TANC2: variants seen among roughly 807,000 people sequenced by gnomAD.
TANC2 encodes tetratricopeptide repeat, ankyrin repeat and coiled-coil containing 2.
Under a neutral mutation model 210.5 loss-of-function variants are expected in TANC2, and 26 were observed. That is an observed-to-expected ratio of 0.12 (90% CI 0.09 to 0.17). The LOEUF (loss-of-function observed/expected upper bound fraction) is 0.17. Ranked by LOEUF, TANC2 falls within the 10% of genes least tolerant of loss-of-function variation. TANC2 has a pLI of 1.00. For synonymous variants in TANC2, 931 were observed against 967.1 expected (o/e 0.96, Z 0.69); for missense variants, 2,129 against 2,608.9 (o/e 0.82, Z 4.01).
At chr17:63,152,310 A>T (rs1028512866) in intron 5 of TANC2, 3 of 152,162 alleles carry the variant, frequency 2.0e-5, no homozygotes, top group Non-Finnish European at 4.4e-5. Context: ...GTGATCTGAA[A>T]TGTCAGTATA....
At chr17:63,370,352 G>A (rs1437493699) in intron 14 of TANC2, among the ~76,000 whole-genome samples, 1 of 151,754 alleles carries the variant, frequency 6.6e-6, no homozygotes, top group African/African-American at 2.4e-5. Context: ...CTAATTTTTT[G>A]TATTTTTAGT....
chr17:63,218,626 T>C (rs2042086091), intron 7 of TANC2, among the ~76,000 whole-genome samples: 1 of 152,176 alleles, frequency 6.6e-6, no homozygotes, highest in Non-Finnish European at 1.5e-5. Flanking sequence ...CTGGACACGG[T>C]GGCTCACCCC....
chr17:63,234,570 G>A (rs957842301), intron 7 of TANC2, among the ~76,000 whole-genome samples: 10 of 152,106 alleles, frequency 6.6e-5, no homozygotes, highest in African/African-American at 2.4e-4. Context: ...CAGGGCTTTA[G>A]CCTCTGTGCT....
In TANC2 at chr17:63,412,817, A is replaced by C; in HGVS notation, c.3928+108A>C. The C allele has an allele frequency of 7.6e-7, 1 of 1,324,382 alleles. No homozygotes were observed. The highest frequency in any genetic ancestry group is 1.0e-6 in the Non-Finnish European group (1 of 987,478). 82.0% of individuals were successfully genotyped at this position (1,324,382 alleles called of 1,614,324 possible). On this transcript the variant is annotated intron_variant, in intron 24 of 27. Transcript: ENST00000689528. This position sits in a 1 kb window ranked among gnomAD's most constrained non-coding sequence, Gnocchi z 4.2. Reference sequence around the variant, plus strand: ...AGTTCCCTACACCTCTAATCTTTTAATTTACTTCACCTTAAAAGAAGATTT... The same window carrying C: ...AGTTCCCTACACCTCTAATCTTTTACTTTACTTCACCTTAAAAGAAGATTT...
chr17:63,066,965 G>A (rs2036221559), intron 2 of TANC2, among the ~76,000 whole-genome samples: 1 of 152,140 alleles, frequency 6.6e-6, no homozygotes, highest in African/African-American at 2.4e-5. Context: ...CTTCACAGGT[G>A]TGAATTTGGT....
chr17:63,115,763 A>AT (rs1359343704), intron 4 of TANC2, among the ~76,000 whole-genome samples: 3 of 152,220 alleles, frequency 2.0e-5, no homozygotes, highest in South Asian at 4.1e-4. Flanking sequence ...CTTTGTATTT[A>AT]TTTTTTTCTA....
At chr17:63,216,565 A>G (rs2042032403) in intron 7 of TANC2, among the ~76,000 whole-genome samples, 1 of 152,212 alleles carries the variant, frequency 6.6e-6, no homozygotes, top group African/African-American at 2.4e-5. Context: ...TGCAGCTGGC[A>G]TGCAAAGTGA....
At chr17:63,397,312 C>T (rs571567712) in intron 18 of TANC2, among the ~76,000 whole-genome samples, 1 of 152,174 alleles carries the variant, frequency 6.6e-6, no homozygotes, top group South Asian at 2.1e-4. Context: ...ATGTTGCACA[C>T]AACTTACAAA....
chr17:63,281,592 A>G (rs1359489816), intron 9 of TANC2, among the ~76,000 whole-genome samples: 1 of 152,112 alleles, frequency 6.6e-6, no homozygotes, highest in Non-Finnish European at 1.5e-5. Flanking sequence ...CTTGAGAGGA[A>G]CATAACAGAA....
At chr17:63,002,995 G>T (rs1159213407) in intron 1 of TANC2, among the ~76,000 whole-genome samples, 2 of 152,070 alleles carry the variant, frequency 1.3e-5, no homozygotes, top group Non-Finnish European at 2.9e-5. Flanking sequence ...TAGTAGAGGT[G>T]GAGTCATGCA....
At chr17:63,181,585 G>C (rs530488953) in intron 5 of TANC2, among the ~76,000 whole-genome samples, 157 of 152,320 alleles carry the variant, frequency 1.0e-3, no homozygotes, top group Admixed American at 3.5e-3. Context: ...TCATTGCCCT[G>C]TGGGCCCTAC....
At chr17:63,305,474 A>G (rs1350919685) in intron 9 of TANC2, 5 of 152,194 alleles carry the variant, frequency 3.3e-5, no homozygotes, top group East Asian at 1.9e-4. Flanking sequence ...GTTCTTTTCA[A>G]TGGGAGCCTC....
intron 14 of TANC2, among the ~76,000 whole-genome samples, chr17:63,356,173 A>G (rs1434465101): frequency 6.6e-6 from 1 of 152,038 alleles, no homozygotes; most frequent in East Asian, 1.9e-4. Context: ...ATCTTTCTCA[A>G]CTCAAACCAG....
At position 63,412,676 on chromosome 17, in the gene TANC2, G is replaced by C. The variant is rs1439184110; in HGVS notation, c.3899-4G>C. The C allele has an allele frequency of 6.6e-7, 1 of 1,513,562 alleles. No homozygotes were observed. Among genetic ancestry groups the C allele is most frequent in the Admixed American group, 2.1e-5 (1 of 48,194 alleles). 93.8% of individuals were successfully genotyped at this position (1,513,562 alleles called of 1,614,324 possible). On this transcript the variant is annotated splice_region_variant and splice_polypyrimidine_tract_variant and intron_variant, in intron 23 of 27. Coordinates refer to ENST00000689528, the Ensembl canonical transcript of TANC2. The surrounding 1 kb of genome is among the most constrained non-coding windows in gnomAD (Gnocchi z 4.2). Reference sequence around the variant, plus strand: ...CAACTTTTTGTTTTCTCCTTTCTTTGAAGGTTGTCAGACGTTACCGAGTCG... The same window carrying C: ...CAACTTTTTGTTTTCTCCTTTCTTTCAAGGTTGTCAGACGTTACCGAGTCG...
chr17:63,114,286 C>T (rs183351795), intron 4 of TANC2, among the ~76,000 whole-genome samples: 2 of 152,264 alleles, frequency 1.3e-5, no homozygotes, highest in East Asian at 3.9e-4. Flanking sequence ...AAATCCATTA[C>T]ATATCATTCA....
rs1445881786 is a variant in TANC2, at chr17:63,186,348, C to CTT, written c.434-7642_434-7641insTT. 3.5e-3 allele frequency among the ~76,000 whole-genome samples: 473 copies of CTT among 135,372 alleles called. 3 individuals carry two copies. The highest frequency in any genetic ancestry group is 0.013 in the African/African-American group (414 of 32,128). 88.8% of individuals were successfully genotyped at this position (135,372 alleles called of 152,430 possible). On this transcript the variant is annotated intron_variant, in intron 5 of 27. Coordinates refer to ENST00000689528, the Ensembl canonical transcript of TANC2. ...TTAAGCAGTATGCCCTTCTCTCTCT[C>CTT]TCTTTTTTTTTTTTTTTTTTTGAGA...
intron 10 of TANC2, among the ~76,000 whole-genome samples, chr17:63,316,633 C>T (rs770185371): frequency 6.6e-6 from 1 of 152,072 alleles, no homozygotes; most frequent in Non-Finnish European, 1.5e-5. Flanking sequence ...GTTAACTTTC[C>T]GAATTTGAAA....
chr17:63,407,084 G>A (rs886148727), intron 21 of TANC2, among the ~76,000 whole-genome samples: 1 of 152,208 alleles, frequency 6.6e-6, no homozygotes, highest in African/African-American at 2.4e-5. Flanking sequence ...TTATGCCTAG[G>A]CCAGAGCAGC....
chr17:63,413,094 G>A (rs1004449643), intron 24 of TANC2: 9 of 230,882 alleles, frequency 3.9e-5, no homozygotes, highest in Non-Finnish European at 7.5e-5. Flanking sequence ...AGAGTTATCA[G>A]TGGTTTCCCT....
Sources: gnomAD v4.1 joint callset for allele counts (sites outside exome capture counted in the v4.1 genomes callset) on GRCh38, gnomAD v4.1.1 for gene constraint, Gnocchi (gnomAD v3.1) non-coding constraint, MANE v1.5 for transcripts, NCBI Gene and HGNC (gene_info 2026-07-23, HGNC 2026-07-21) for gene names.